The following LRP8 variants were observed in gnomAD, a reference collection of about 807,000 sequenced individuals.
The protein encoded by LRP8 is low-density lipoprotein receptor-related protein 8.
A neutral mutation model predicts 111.6 loss-of-function variants in LRP8; 46 were observed. The ratio of observed to expected loss-of-function variants is 0.41; its 90% confidence interval spans 0.33 to 0.53. LRP8 has a LOEUF of 0.53. Ranked by LOEUF, LRP8 falls within the 20% of genes least tolerant of loss-of-function variation. The pLI, the probability that LRP8 is intolerant of heterozygous loss-of-function variation, is 0.20. For synonymous variants in LRP8, 464 were observed against 511.2 expected (o/e 0.91, Z 1.24); for missense variants, 959 against 1,297.4 (o/e 0.74, Z 4.01).
intron 2 of LRP8, among the ~76,000 whole-genome samples, chr1:53,326,604 A>C (rs1557879872): frequency 7.1e-6 from 1 of 141,452 alleles, no homozygotes; most frequent in Non-Finnish European, 1.5e-5. Flanking sequence ...CAGTCTCCCC[A>C]GCATGGTGCG....
chr1:53,280,675 G>A lies in LRP8; in HGVS notation c.408C>T (p.Pro136=), dbSNP rs1389667377. 6.2e-7 allele frequency: 1 copy of A among 1,612,808 alleles called. No homozygotes were observed. Among genetic ancestry groups the A allele is most frequent in the Admixed American group, 1.7e-5 (1 of 60,030 alleles). Residue 136 remains proline (P), a synonymous_variant, in exon 4 of 19, where the codon CCC becomes CCT. Transcript: ENST00000306052. ...AGGCAGGTACACACTTGTGGCTGGTGGGTCCACAGCTCAGCTTCTCTGCAG... is the reference window on the plus strand; with the variant it reads ...AGGCAGGTACACACTTGTGGCTGGTAGGTCCACAGCTCAGCTTCTCTGCAG... ...VCPAEKLSCG[P]TSHKCVPASW...
intron 2 of LRP8, among the ~76,000 whole-genome samples, chr1:53,323,187 C>T (rs1168237632): frequency 6.6e-6 from 1 of 152,188 alleles, no homozygotes; most frequent in African/African-American, 2.4e-5. Context: ...GTACAAGTTC[C>T]ATAGCTGGTC....
At chr1:53,320,208 C>A (rs1217175186) in intron 2 of LRP8, among the ~76,000 whole-genome samples, 1 of 152,218 alleles carries the variant, frequency 6.6e-6, no homozygotes, top group Non-Finnish European at 1.5e-5. Context: ...CAAGCAGGGC[C>A]CAGTGGGGCC....
rs1006306733 is a variant in LRP8, at chr1:53,268,681, A to G, written c.1253-2034T>C. 5.3e-5 allele frequency: 8 copies of G among 152,274 alleles called. No individual in the cohort carries two copies. The South Asian group carries it at 6.2e-4, about 12-fold the overall frequency. 9.4% of individuals were successfully genotyped at this position (152,274 alleles called of 1,614,324 possible). A position where few individuals can be genotyped will look rare whatever the true frequency, so the allele number is the denominator to read the frequency against. On this transcript the variant is annotated intron_variant, in intron 8 of 18. Coordinates refer to ENST00000306052, the MANE Select transcript of LRP8 (RefSeq NM_004631.5). ...CCTAACCAGTTTTCTTAAACATAAC[A>G]TGTCCAAAACAGCCTAAGATTCCTC...
At chr1:53,284,537 G>A (rs1057395163) in intron 3 of LRP8, among the ~76,000 whole-genome samples, 4 of 152,168 alleles carry the variant, frequency 2.6e-5, no homozygotes, top group African/African-American at 9.7e-5. Flanking sequence ...GTGACAGAAA[G>A]GGCCCTTGGC....
At chr1:53,307,976 G>A (rs1421841418) in intron 2 of LRP8, among the ~76,000 whole-genome samples, 1 of 152,204 alleles carries the variant, frequency 6.6e-6, no homozygotes, top group Non-Finnish European at 1.5e-5. Context: ...GCCTGATCCT[G>A]GTTCCAACAG....
chr1:53,327,872 A>G lies in LRP8; in HGVS notation c.41T>C (p.Leu14Pro). 1 of 1,500,162 alleles carries G rather than the reference A, an allele frequency of 6.7e-7. No individual in the cohort carries two copies. Among genetic ancestry groups the G allele is most frequent in the South Asian group, 1.2e-5 (1 of 81,080 alleles). 92.9% of individuals were successfully genotyped at this position (1,500,162 alleles called of 1,614,324 possible). ...PEPGPLRLLA[L>P]LLLLLLLLLL... is the part of the protein sequence containing the mutation. ...CAGCAGCAGCAGCAGCAGCAGCAGC[A>G]GCGCCAGAAGCCGGAGAGGGCCCGG... The change falls in exon 1 of 19, where the codon CTG (leucine) becomes CCG (proline). Residue 14 changes from leucine (L) to proline (P), a missense_variant. This residue lies in a region of LRP8 where 97 missense variants were observed against 107.5 expected (regional missense o/e 0.90). Coordinates refer to ENST00000306052, the MANE Select transcript of LRP8 (RefSeq NM_004631.5).
At chr1:53,321,766 G>T (rs753763673) in intron 2 of LRP8, among the ~76,000 whole-genome samples, 1 of 152,150 alleles carries the variant, frequency 6.6e-6, no homozygotes, top group Non-Finnish European at 1.5e-5. Flanking sequence ...CTGCTGGGCA[G>T]TGCCATGGGG....
chr1:53,282,344 A>G (rs1647141792), intron 3 of LRP8, among the ~76,000 whole-genome samples: 1 of 152,224 alleles, frequency 6.6e-6, no homozygotes, highest in Admixed American at 6.5e-5. Context: ...CCCTTGCTCG[A>G]GGATTGGCAG....
rs1419723981 is a variant in LRP8, at chr1:53,247,038, C to A, written c.2872G>T (p.Glu958Ter). Residue 958 changes from glutamate (E) to a stop codon, truncating the protein, a stop_gained, in exon 19 of 19, where the codon GAA (glutamate) becomes TAA (stop). Coordinates refer to ENST00000306052, the MANE Select transcript of LRP8 (RefSeq NM_004631.5). LOFTEE classifies it high-confidence loss of function. Reference sequence around the variant, plus strand: ...CATCCTCAGGGTAGTCCATCATCTTCAAGGCTTAATGCCACTCGCTGGGGA... The same window carrying A: ...CATCCTCAGGGTAGTCCATCATCTTAAAGGCTTAATGCCACTCGCTGGGGA... ...VKSKRVALSL[E>*]DDGLP 6.2e-7 allele frequency: 1 copy of A among 1,604,030 alleles called. No homozygotes were observed. The highest frequency in any genetic ancestry group is 8.5e-7 in the Non-Finnish European group (1 of 1,176,372).
At chr1:53,320,893 G>C (rs1654427304) in intron 2 of LRP8, among the ~76,000 whole-genome samples, 1 of 152,226 alleles carries the variant, frequency 6.6e-6, no homozygotes, top group Non-Finnish European at 1.5e-5. Context: ...CTGGGCTCCA[G>C]ACCAGACAGA....
At chr1:53,297,529 G>A (rs532347525) in intron 2 of LRP8, among the ~76,000 whole-genome samples, 4 of 152,178 alleles carry the variant, frequency 2.6e-5, no homozygotes, top group African/African-American at 4.8e-5. Flanking sequence ...ATCAGCAGGC[G>A]ACATCTAAAT....
chr1:53,255,325 G>T (rs1422783078), intron 15 of LRP8, 140 bp from the exon 16 acceptor site: 2 of 726,952 alleles, frequency 2.8e-6, no homozygotes, highest in Non-Finnish European at 4.7e-6. Context: ...TAATAATTCA[G>T]TCTTTCCAGA....
In LRP8 at chr1:53,276,672, G is replaced by A; in HGVS notation, c.883+20C>T. On this transcript the variant is annotated intron_variant, in intron 5 of 18. Coordinates refer to ENST00000306052, the MANE Select transcript of LRP8 (RefSeq NM_004631.5). Reference sequence around the variant, plus strand: ...ATCCGCAATCCCTGGGCGGGGCTGGGCGGTATGGAGGGGGCTTACGGCAGT... The same window carrying A: ...ATCCGCAATCCCTGGGCGGGGCTGGACGGTATGGAGGGGGCTTACGGCAGT... 4 of 1,523,312 alleles carry A rather than the reference G, an allele frequency of 2.6e-6. No individual in the cohort carries two copies. The highest frequency in any genetic ancestry group is 1.8e-4 in the Middle Eastern group (1 of 5,670). The allele number at this position is 1,523,312 out of a possible 1,614,324, so 94.4% of individuals were successfully genotyped here. A position where few individuals can be genotyped will look rare whatever the true frequency, so the allele number is the denominator to read the frequency against.
chr1:53,260,750 T>C (rs1646303421), intron 12 of LRP8, 145 bp from the exon 13 acceptor site: 2 of 732,164 alleles, frequency 2.7e-6, no homozygotes, highest in Admixed American at 2.6e-5. Context: ...GGTGGGGCTC[T>C]CAGCCTCTAA....
intron 2 of LRP8, among the ~76,000 whole-genome samples, chr1:53,312,661 T>C (rs930158111): frequency 3.3e-5 from 5 of 152,038 alleles, no homozygotes; most frequent in Non-Finnish European, 7.4e-5. Flanking sequence ...GCCTGGCCTT[T>C]TTCTTTGTTT....
At chr1:53,289,533 C>G (rs770780885) in intron 3 of LRP8, 34 bp downstream of exon 3, 17 of 1,568,020 alleles carry the variant, frequency 1.1e-5, no homozygotes, top group Non-Finnish European at 1.4e-5. Context: ...GAAACTGAGG[C>G]CCACCCCCAC....
chr1:53,269,655 T>C (rs1646700018), intron 8 of LRP8, among the ~76,000 whole-genome samples: 1 of 152,098 alleles, frequency 6.6e-6, no homozygotes, highest in Non-Finnish European at 1.5e-5. Flanking sequence ...CAGTGAGGGC[T>C]TCCCTGACCA....
intron 2 of LRP8, among the ~76,000 whole-genome samples, chr1:53,297,138 T>A (rs1225283956): frequency 6.6e-6 from 1 of 152,140 alleles, no homozygotes; most frequent in African/African-American, 2.4e-5. Context: ...CGTGGGTCCA[T>A]TATAACATTG....
Sources: gnomAD v4.1 joint callset for allele counts (sites outside exome capture counted in the v4.1 genomes callset) on GRCh38, gnomAD v4.1.1 for gene constraint, gnomAD v4.1.1 regional missense constraint, MANE v1.5 for transcripts, NCBI Gene and HGNC (gene_info 2026-07-23, HGNC 2026-07-21) for gene names.